ABLIM2: variants seen among roughly 807,000 people sequenced by gnomAD.
The protein encoded by ABLIM2 is actin binding LIM protein family member 2, also known as actin-binding LIM protein 2.
ABLIM2 carries 53 observed loss-of-function variants against 97.7 expected under a neutral mutation model. The ratio of observed to expected loss-of-function variants is 0.54; its 90% CI spans 0.44 to 0.68. The LOEUF is 0.68. Among genes scored for constraint, ABLIM2 ranks in the 30% least tolerant of loss-of-function variants. ABLIM2 has a pLI of 0.00. For missense variants in ABLIM2, 835 were observed against 867.2 expected (o/e 0.96, Z 0.47); for synonymous variants, 361 against 345.8 (o/e 1.04, Z -0.49).
At position 8,091,573 on chromosome 4, in the gene ABLIM2, ATT is replaced by A. The variant is rs1175853693; in HGVS notation, c.339-3291_339-3290del. 3.3e-4 allele frequency among the ~76,000 whole-genome samples: 18 copies of A among 53,978 alleles called. 3 individuals carry two copies. In the East Asian group the frequency reaches 9.0e-3, roughly 27 times the overall value. 35.4% of individuals were successfully genotyped at this position (53,978 alleles called of 152,430 possible). ...TTTATAATTATATATATTATATATA[ATT>A]TTATATAAAATTATATATATAATTA... is the stretch of plus-strand genomic sequence containing the variant. On this transcript the variant is annotated intron_variant, in intron 3 of 20. Transcript: ENST00000447017.
rs1715026933 is a variant in ABLIM2 at position 8,155,553 on chromosome 4, C to T, written c.10+3127G>A. Among the ~76,000 whole-genome samples the T allele has an allele frequency of 6.6e-6, 1 of 152,224 alleles. No homozygotes were observed. The highest frequency in any genetic ancestry group is 1.5e-5 in the Non-Finnish European group (1 of 68,044). ...AGGCTGAGCCAGCCACAAGGCCGCC[C>T]TTGGCCCCGCACCCCTGTTATGGAC... On this transcript the variant is annotated intron_variant, in intron 1 of 20. Coordinates refer to ENST00000447017, the MANE Select transcript of ABLIM2 (RefSeq NM_001130083.2). The surrounding 1 kb of genome is among the most constrained non-coding windows in gnomAD (Gnocchi z 4.2).
At position 8,017,468 on chromosome 4, in the gene ABLIM2, A is replaced by G. The variant is rs867890337; in HGVS notation, c.1423+2150T>C. Reference sequence around the variant, plus strand: ...CACCTGGCTATTTTTTTTGTATTTTAGTAGAGATGGGGTTTCACTGTGTTG... The same window carrying G: ...CACCTGGCTATTTTTTTTGTATTTTGGTAGAGATGGGGTTTCACTGTGTTG... On this transcript the variant is annotated intron_variant, in intron 14 of 20. Coordinates refer to ENST00000447017, the MANE Select transcript of ABLIM2 (RefSeq NM_001130083.2). Among the ~76,000 whole-genome samples the G allele has an allele frequency of 5.9e-5, 9 of 151,600 alleles. No individual in the cohort carries two copies. The Middle Eastern group carries it at 0.014, about 231-fold the overall frequency.
At chr4:8,089,194 TC>T (rs1223844975) in intron 3 of ABLIM2, among the ~76,000 whole-genome samples, 10 of 152,318 alleles carry the variant, frequency 6.6e-5, no homozygotes, top group Non-Finnish European at 1.3e-4. Context: ...CCTCCTGCAG[TC>T]CGGGGATGTC....
intron 6 of ABLIM2, among the ~76,000 whole-genome samples, chr4:8,070,849 G>T (rs561218888): frequency 6.6e-6 from 1 of 152,148 alleles, no homozygotes; most frequent in Non-Finnish European, 1.5e-5. Flanking sequence ...CGCAGAACCA[G>T]GGGGACGCTG....
intron 18 of ABLIM2, among the ~76,000 whole-genome samples, chr4:7,984,296 GT>G (rs941059588): frequency 2.0e-5 from 3 of 152,106 alleles, no homozygotes; most frequent in African/African-American, 7.2e-5. Flanking sequence ...GATGCTCTCC[GT>G]CCCCATGCAA....
chr4:7,978,997 C>T (rs1185453929), intron 20 of ABLIM2, among the ~76,000 whole-genome samples: 3 of 152,126 alleles, frequency 2.0e-5, no homozygotes, highest in Non-Finnish European at 2.9e-5. Context: ...TCACTGGATT[C>T]ACAGCCTCAC....
Position 8,043,239 on chromosome 4 carries a change from T to C in ABLIM2, c.900+1925A>G, listed in dbSNP as rs1789910129. ...TGTGTCACCTAAAACTTTGATTAAA[T>C]ACGTCTGTCATGCTTTTCTCTTGTG... On this transcript the variant is annotated intron_variant, in intron 9 of 20. Transcript: ENST00000447017. This position sits in a 1 kb window ranked among gnomAD's most constrained non-coding sequence, Gnocchi z 4.8. Among the ~76,000 whole-genome samples, 1 of 152,232 alleles carries C rather than the reference T, an allele frequency of 6.6e-6. No homozygotes were observed.
intron 9 of ABLIM2, among the ~76,000 whole-genome samples, chr4:8,039,874 GTTTTT>G (rs397947626): frequency 1.1e-4 from 12 of 108,630 alleles, no homozygotes; most frequent in East Asian, 2.8e-4. Context: ...GCTGATTACT[GTTTTT>G]TTTTTTTTTT....
At chr4:8,062,066 C>T (rs1803529200) in intron 6 of ABLIM2, among the ~76,000 whole-genome samples, 1 of 152,174 alleles carries the variant, frequency 6.6e-6, no homozygotes. Context: ...GCTCTTCCCG[C>T]AGGGCCCAGG....
At chr4:8,114,482 G>T (rs1023952200) in intron 1 of ABLIM2, among the ~76,000 whole-genome samples, 1 of 152,154 alleles carries the variant, frequency 6.6e-6, no homozygotes, top group African/African-American at 2.4e-5. Context: ...GTCATGCCTC[G>T]GTTTAAGAGC....
At chr4:8,065,612 A>G (rs1806583548) in intron 6 of ABLIM2, among the ~76,000 whole-genome samples, 1 of 152,186 alleles carries the variant, frequency 6.6e-6, no homozygotes, top group African/African-American at 2.4e-5. Context: ...AAAGAAAATG[A>G]AGAGAAAAGA....
chr4:8,149,568 A>G lies in ABLIM2; in HGVS notation c.10+9112T>C, dbSNP rs888163248. Among the ~76,000 whole-genome samples, 1 of 151,950 alleles carries G rather than the reference A, an allele frequency of 6.6e-6. No individual in the cohort carries two copies. The highest frequency in any genetic ancestry group is 1.5e-5 in the Non-Finnish European group (1 of 67,978). ...CTTCACAGAGGCCCTGGAGTCCGGC[A>G]GAGCCTTGAAAGGGAGAGGAGGAGG... is the stretch of plus-strand genomic sequence containing the variant. On this transcript the variant is annotated intron_variant, in intron 1 of 20. Coordinates refer to ENST00000447017, the MANE Select transcript of ABLIM2 (RefSeq NM_001130083.2). This position sits in a 1 kb window ranked among gnomAD's most constrained non-coding sequence, Gnocchi z 6.4.
intron 1 of ABLIM2, among the ~76,000 whole-genome samples, chr4:8,137,606 A>G (rs1173995317): frequency 6.6e-6 from 1 of 152,226 alleles, no homozygotes; most frequent in East Asian, 1.9e-4. Flanking sequence ...TGGGAGGTGC[A>G]GTTGGCGAGA....
In ABLIM2 at chr4:7,980,941, A is replaced by ATCTTTTTTTTTTTT. The variant is rs1483414043; in HGVS notation, c.1824+2322_1824+2323insAAAAAAAAAAAAGA. Among the ~76,000 whole-genome samples the ATCTTTTTTTTTTTT allele has an allele frequency of 6.0e-4, 50 of 82,968 alleles. 4 individuals are homozygous for ATCTTTTTTTTTTTT. The highest frequency in any genetic ancestry group is 2.0e-3 in the South Asian group (5 of 2,516). The allele number at this position is 82,968 out of a possible 152,430, so 54.4% of individuals were successfully genotyped here. A position where few individuals can be genotyped will look rare whatever the true frequency, so the allele number is the denominator to read the frequency against. On this transcript the variant is annotated intron_variant, in intron 20 of 20. Coordinates refer to ENST00000447017, the MANE Select transcript of ABLIM2 (RefSeq NM_001130083.2). ...AGAACCATGGTCTCCACAACCCCTT[A>ATCTTTTTTTTTTTT]TTTTTTTTTTTTTTTTTTTTGAGAT...
chr4:8,036,375 C>T, intron 9 of ABLIM2, 80 bp from the exon 10 acceptor site: 1 of 1,526,540 alleles, frequency 6.6e-7, no homozygotes, highest in Non-Finnish European at 8.9e-7. Context: ...CCGGATGCAT[C>T]CCACAGGACA....
intron 20 of ABLIM2, among the ~76,000 whole-genome samples, chr4:7,976,906 T>TAC (rs66908273): frequency 2.8e-5 from 1 of 36,114 alleles, no homozygotes; most frequent in African/African-American, 1.7e-4. Flanking sequence ...CACATACATG[T>TAC]ACACACACAC....
chr4:8,042,854 A>C (rs1022481109), intron 9 of ABLIM2, among the ~76,000 whole-genome samples: 2 of 151,642 alleles, frequency 1.3e-5, no homozygotes, highest in Non-Finnish European at 2.9e-5. Flanking sequence ...AAAAAAAAAA[A>C]AAAAGAACAG....
Position 8,147,446 on chromosome 4 carries a change from G to A in ABLIM2, c.10+11234C>T, listed in dbSNP as rs978828488. On this transcript the variant is annotated intron_variant, in intron 1 of 20. Transcript: ENST00000447017. The surrounding 1 kb of genome is among the most constrained non-coding windows in gnomAD (Gnocchi z 5.3). ...TGTGACATATATGGTTAAAAGGGGA[G>A]GGGTCTTTGCAGATGTGATTTACAT... Among the ~76,000 whole-genome samples, 2 of 152,132 alleles carry A rather than the reference G, an allele frequency of 1.3e-5. No individual in the cohort carries two copies. Among genetic ancestry groups the A allele is most frequent in the African/African-American group, 4.8e-5 (2 of 41,408 alleles).
chr4:8,091,073 C>T (rs1315408858), intron 3 of ABLIM2, among the ~76,000 whole-genome samples: 2 of 150,642 alleles, frequency 1.3e-5, no homozygotes, highest in African/African-American at 4.9e-5. Flanking sequence ...GGCCGTTGTG[C>T]CATTCTGCAT....
Sources: gnomAD v4.1 joint callset for allele counts (sites outside exome capture counted in the v4.1 genomes callset) on GRCh38, gnomAD v4.1.1 for gene constraint, Gnocchi (gnomAD v3.1) non-coding constraint, MANE v1.5 for transcripts, NCBI Gene and HGNC (gene_info 2026-07-23, HGNC 2026-07-21) for gene names.